Variants in CDH13 observed in about 807,000 individuals in gnomAD.
CDH13 encodes cadherin 13.
CDH13 carries 24 observed loss-of-function variants against 63.8 expected under a neutral mutation model. The observed-to-expected ratio is 0.38, with a 90% confidence interval of 0.27 to 0.53. The LOEUF is 0.53. CDH13 is among the 20% of genes least tolerant of loss of function. The pLI is 0.85. For missense variants in CDH13, 1,049 were observed against 903.1 expected, an observed-to-expected ratio of 1.16 and a Z score of -2.07; for synonymous variants, 503 against 355.3, an observed-to-expected ratio of 1.42 and a Z score of -4.67.
In CDH13 at chr16:83,319,843, A is replaced by G. The variant is rs554313686; in HGVS notation, c.637-25019A>G. On this transcript the variant is annotated intron_variant, in intron 5 of 13. Coordinates refer to ENST00000567109, the MANE Select transcript of CDH13 (RefSeq NM_001257.5). ...GGTCATAGCTAAATTTCAGGGGATA[A>G]GTGAACAGCTCACTGTTTCAGTTCT... 2.0e-5 allele frequency among the ~76,000 whole-genome samples: 3 copies of G among 152,334 alleles called. No individual in the cohort carries two copies. The South Asian group carries it at 6.2e-4, about 32-fold the overall frequency.
At position 83,662,572 on chromosome 16, in the gene CDH13, A is replaced by T. The variant is rs148338304; in HGVS notation, c.1102-8218A>T. The stretch of plus-strand genomic sequence containing the variant: ...GCTGCGGAGATGAACCACCAGGAGC[A>T]GGGAGTTGAGGATCTCTAAAGCCTG... On this transcript the variant is annotated intron_variant, in intron 8 of 13. Transcript: ENST00000567109. 3.2e-3 allele frequency among the ~76,000 whole-genome samples: 482 copies of T among 152,324 alleles called. 3 individuals are homozygous for T. The highest frequency in any genetic ancestry group is 0.011 in the African/African-American group (464 of 41,578).
intron 1 of CDH13, among the ~76,000 whole-genome samples, chr16:82,688,379 C>T (rs536104434): frequency 6.6e-6 from 1 of 152,310 alleles, no homozygotes; most frequent in South Asian, 2.1e-4. Flanking sequence ...TCAGCTTCCT[C>T]AGCTGTAAAA....
chr16:83,442,952 C>T (rs1413953180), intron 6 of CDH13, among the ~76,000 whole-genome samples: 1 of 152,192 alleles, frequency 6.6e-6, no homozygotes. Flanking sequence ...ATTTTAAGAT[C>T]ATATGGCTTT....
chr16:83,156,815 A>G (rs577007664), intron 4 of CDH13, among the ~76,000 whole-genome samples: 1 of 152,208 alleles, frequency 6.6e-6, no homozygotes, highest in South Asian at 2.1e-4. Context: ...GCCATAATAT[A>G]TTTATACTAA....
At chr16:83,652,832 C>A (rs182922332) in intron 8 of CDH13, among the ~76,000 whole-genome samples, 1 of 152,296 alleles carries the variant, frequency 6.6e-6, no homozygotes. Flanking sequence ...CATAAGTCCT[C>A]CCAAAACTTG....
At chr16:83,323,391 A>G (rs1241299267) in intron 5 of CDH13, among the ~76,000 whole-genome samples, 1 of 150,708 alleles carries the variant, frequency 6.6e-6, no homozygotes, top group Non-Finnish European at 1.5e-5. Flanking sequence ...AGTGATTCTC[A>G]TGCCTCAGCC....
At chr16:83,259,084 T>C (rs758965300) in intron 5 of CDH13, among the ~76,000 whole-genome samples, 1 of 152,156 alleles carries the variant, frequency 6.6e-6, no homozygotes, top group African/African-American at 2.4e-5. Flanking sequence ...TAGCCAGGGC[T>C]GTGGTAGGAT....
intron 7 of CDH13, among the ~76,000 whole-genome samples, chr16:83,516,556 G>C (rs2074703076): frequency 6.6e-6 from 1 of 152,198 alleles, no homozygotes; most frequent in African/African-American, 2.4e-5. Context: ...AAGGAGAGGT[G>C]TCTTCTCTTC....
chr16:83,740,976 G>T (rs145555020), intron 10 of CDH13, among the ~76,000 whole-genome samples: 2 of 152,176 alleles, frequency 1.3e-5, no homozygotes, highest in Non-Finnish European at 1.5e-5. Context: ...AGAAAGTCAG[G>T]CAGGTCCAGA....
intron 6 of CDH13, among the ~76,000 whole-genome samples, chr16:83,414,931 T>G (rs1593143): frequency 0.66 from 99,823 of 151,904 alleles, 33,450 homozygotes; most frequent in East Asian, 0.82. Flanking sequence ...TTTCAATATT[T>G]TTGGACAAAT....
intron 6 of CDH13, among the ~76,000 whole-genome samples, chr16:83,419,057 CT>C (rs2071636652): frequency 6.6e-6 from 1 of 152,116 alleles, no homozygotes; most frequent in Admixed American, 6.5e-5. Context: ...ACTCTGTGCC[CT>C]TAGTGAAGTA....
chr16:83,263,549 C>T (rs1907232750), intron 5 of CDH13, among the ~76,000 whole-genome samples: 2 of 152,224 alleles, frequency 1.3e-5, no homozygotes, highest in Non-Finnish European at 1.5e-5. Flanking sequence ...CTAGCCACCG[C>T]CCACTGAATG....
chr16:82,644,721 G>A lies in CDH13; in HGVS notation c.45+17584G>A, dbSNP rs1457639445. Among the ~76,000 whole-genome samples, 3 of 152,132 alleles carry A rather than the reference G, an allele frequency of 2.0e-5. No individual in the cohort carries two copies. Among genetic ancestry groups the A allele is most frequent in the African/African-American group, 7.2e-5 (3 of 41,430 alleles). On this transcript the variant is annotated intron_variant, in intron 1 of 13. Transcript: ENST00000567109. This position sits in a 1 kb window ranked among gnomAD's most constrained non-coding sequence, Gnocchi z 5.7. The stretch of plus-strand genomic sequence containing the variant: ...CAGGCTCCCAGGTAGCCAGCTCCCA[G>A]GTGACAGGAGTCCGCTGGGCTCCCT...
chr16:82,670,610 G>C (rs934614349), intron 1 of CDH13, among the ~76,000 whole-genome samples: 44 of 152,176 alleles, frequency 2.9e-4, no homozygotes, highest in African/African-American at 1.0e-3. Context: ...TAGGGGATGA[G>C]CTTCCAACAG....
At chr16:83,468,753 G>A (rs2073382362) in intron 6 of CDH13, among the ~76,000 whole-genome samples, 1 of 152,130 alleles carries the variant, frequency 6.6e-6, no homozygotes, top group Non-Finnish European at 1.5e-5. Flanking sequence ...ATCGTCCTGT[G>A]TAAAGTTTTT....
rs979475161 is a variant in CDH13 at position 83,515,898 on chromosome 16, TAAAC to T, written c.960+29245_960+29248del. Among the ~76,000 whole-genome samples, 13 of 152,178 alleles carry T rather than the reference TAAAC, an allele frequency of 8.5e-5. 1 individual carries two copies. Among genetic ancestry groups the T allele is most frequent in the Admixed American group, 5.9e-4 (9 of 15,274 alleles). On this transcript the variant is annotated intron_variant, in intron 7 of 13. Coordinates refer to ENST00000567109, the MANE Select transcript of CDH13 (RefSeq NM_001257.5). ...ATAAATTTAATCTTTATATAGGAATTAAACAGACAAGCCAGAAAAAGAAAAGAAA... is the reference window on the plus strand; with the variant it reads ...ATAAATTTAATCTTTATATAGGAATTAGACAAGCCAGAAAAAGAAAAGAAA...
chr16:82,951,546 C>T (rs1905297005), intron 2 of CDH13, among the ~76,000 whole-genome samples: 1 of 152,174 alleles, frequency 6.6e-6, no homozygotes, highest in African/African-American at 2.4e-5. Flanking sequence ...TTATGCGAGA[C>T]CACGGCATGA....
At chr16:83,206,161 C>T (rs367827561) in intron 4 of CDH13, among the ~76,000 whole-genome samples, 1 of 152,136 alleles carries the variant, frequency 6.6e-6, no homozygotes, top group Non-Finnish European at 1.5e-5. Context: ...CTTTCGGCAG[C>T]TTTTCCCTTC....
chr16:82,924,667 C>T (rs1428723323), intron 2 of CDH13, among the ~76,000 whole-genome samples: 1 of 152,100 alleles, frequency 6.6e-6, no homozygotes, highest in Admixed American at 6.5e-5. Context: ...AGTGAGTTAC[C>T]GTTATCAATC....
Sources: allele counts gnomAD v4.1 joint callset (sites outside exome capture counted in the v4.1 genomes callset), GRCh38; gene constraint gnomAD v4.1.1; non-coding constraint Gnocchi (gnomAD v3.1); transcripts MANE v1.5; gene names NCBI Gene and HGNC (gene_info 2026-07-23, HGNC 2026-07-21).